Variants in INTS7 observed in about 807,000 individuals in gnomAD.
INTS7 encodes the protein integrator complex subunit 7, also known as chromosome 1 open reading frame 73.
INTS7 carries 46 observed loss-of-function variants against 109.2 expected under a neutral mutation model. The ratio of observed to expected loss-of-function variants is 0.42; its 90% CI spans 0.33 to 0.54. The LOEUF (loss-of-function observed/expected upper bound fraction) is 0.54, where lower values mean the gene tolerates loss of function less well. Ranked by LOEUF, INTS7 falls within the 20% of genes least tolerant of loss-of-function variation. INTS7 has a pLI of 0.07. For missense variants in INTS7, 929 were observed against 1,132.4 expected (o/e 0.82, Z 2.58); for synonymous variants, 412 against 402.9 (o/e 1.02, Z -0.27).
intron 17 of INTS7, among the ~76,000 whole-genome samples, chr1:211,951,660 T>C (rs1418898335): frequency 6.6e-5 from 10 of 152,180 alleles, no homozygotes; most frequent in Non-Finnish European, 1.5e-4. Flanking sequence ...GATCTCTCCC[T>C]ACCATGTGAA....
At chr1:211,989,140 A>G (rs1328043860) in intron 7 of INTS7, among the ~76,000 whole-genome samples, 1 of 152,246 alleles carries the variant, frequency 6.6e-6, no homozygotes, top group Admixed American at 6.5e-5. Flanking sequence ...GTTAAAATAA[A>G]TTTAATATGA....
intron 10 of INTS7, 80 bp downstream of exon 10, chr1:211,981,013 C>G: frequency 1.4e-6 from 1 of 712,604 alleles, no homozygotes; most frequent in South Asian, 1.9e-5. Context: ...AGTACAGGAG[C>G]TATGTCTGCT....
chr1:212,013,135 T>C (rs1374725836), intron 4 of INTS7, among the ~76,000 whole-genome samples: 1 of 152,210 alleles, frequency 6.6e-6, no homozygotes, highest in Admixed American at 6.5e-5. Context: ...AAAATTCATA[T>C]TGGCCAGAGA....
chr1:211,989,822 A>C (rs1440830839), intron 7 of INTS7, among the ~76,000 whole-genome samples: 1 of 129,786 alleles, frequency 7.7e-6, no homozygotes, highest in African/African-American at 3.2e-5. Context: ...ACTCCGTTTC[A>C]AAAAAAAAAA....
intron 15 of INTS7, among the ~76,000 whole-genome samples, chr1:211,966,725 A>C (rs1219477445): frequency 6.6e-6 from 1 of 152,162 alleles, no homozygotes; most frequent in Non-Finnish European, 1.5e-5. Flanking sequence ...GGAGGCTACT[A>C]CTGTGGGAAG....
chr1:211,996,197 G>A (rs1308778517), intron 7 of INTS7, among the ~76,000 whole-genome samples: 1 of 152,134 alleles, frequency 6.6e-6, no homozygotes, highest in East Asian at 1.9e-4. Flanking sequence ...CAAGGTGGGT[G>A]GATCACTTGA....
intron 8 of INTS7, among the ~76,000 whole-genome samples, chr1:211,984,059 T>C (rs1664783639): frequency 6.6e-6 from 1 of 151,784 alleles, no homozygotes; most frequent in Non-Finnish European, 1.5e-5. Flanking sequence ...TAGAGATGGG[T>C]CTTGCTTTGT....
rs577178800 is a variant in INTS7 at position 212,023,379 on chromosome 1, A to G, written c.95-2167T>C. Among the ~76,000 whole-genome samples the G allele has an allele frequency of 2.6e-5, 4 of 152,346 alleles. No homozygotes were observed. The South Asian group carries it at 8.3e-4, about 32-fold the overall frequency. On this transcript the variant is annotated intron_variant, in intron 1 of 19. Transcript: ENST00000366994. The stretch of plus-strand genomic sequence containing the variant: ...TATTCCCACCAACAGTGTATATATA[A>G]GCATTCCCTTTTCTTCACAGCCTCA...
intron 8 of INTS7, 43 bp from the exon 9 acceptor site, chr1:211,982,853 G>A (rs1327554340): frequency 6.6e-7 from 1 of 1,513,664 alleles, no homozygotes; most frequent in Non-Finnish European, 9.0e-7. Context: ...AATTCAAATA[G>A]TTCAAAAGCA....
Position 211,942,089 on chromosome 1 carries a change from T to C in INTS7, c.2624A>G (p.Asn875Ser), listed in dbSNP as rs568849817. Reference sequence around the variant, plus strand: ...AGGTTCAACCCTTTGCTCCATCTCATTGGTCATGTTGTCAATGGGTATCTG... The same window carrying C: ...AGGTTCAACCCTTTGCTCCATCTCACTGGTCATGTTGTCAATGGGTATCTG... Reference protein sequence around the residue: ...DYKIPIDNMTNEMEQRVEPHN... With the variant: ...DYKIPIDNMTSEMEQRVEPHN... Residue 875 changes from asparagine (N) to serine (S), a missense_variant, in exon 20 of 20, where the codon AAT becomes AGT. By Grantham distance (46) the Asn-to-Ser change is conservative (BLOSUM62 1). This residue lies in a region of INTS7 where 787 missense variants were observed against 901.1 expected (regional missense o/e 0.87). Transcript: ENST00000366994. This position sits in a 1 kb window ranked among gnomAD's most constrained non-coding sequence, Gnocchi z 4.2. The C allele has an allele frequency of 8.1e-6, 13 of 1,613,912 alleles. No individual in the cohort carries two copies. Among genetic ancestry groups the C allele is most frequent in the South Asian group, 3.3e-5 (3 of 91,036 alleles).
chr1:212,028,639 C>T (rs1026241411), intron 1 of INTS7, among the ~76,000 whole-genome samples: 7 of 152,078 alleles, frequency 4.6e-5, no homozygotes, highest in African/African-American at 1.7e-4. Flanking sequence ...AGAAGTAAAA[C>T]AGGTACAGAA....
chr1:212,001,417 T>A (rs539137892), intron 7 of INTS7, among the ~76,000 whole-genome samples: 1 of 152,276 alleles, frequency 6.6e-6, no homozygotes, highest in South Asian at 2.1e-4. Flanking sequence ...ATCCACTGAT[T>A]CAACCAAATC....
chr1:211,943,040 CACCA>C (rs1397653156), intron 19 of INTS7, among the ~76,000 whole-genome samples: 4 of 152,120 alleles, frequency 2.6e-5, no homozygotes, highest in African/African-American at 9.7e-5. Context: ...GAACTGACGT[CACCA>C]ACCAATTCAA....
chr1:211,947,590 A>C (rs187916767), intron 17 of INTS7, among the ~76,000 whole-genome samples: 1 of 152,266 alleles, frequency 6.6e-6, no homozygotes, highest in East Asian at 1.9e-4. Context: ...CTGTTCTTGC[A>C]GACCCGATTC....
intron 13 of INTS7, 148 bp downstream of exon 13, chr1:211,975,018 A>G: frequency 1.6e-6 from 1 of 615,920 alleles, no homozygotes; most frequent in Non-Finnish European, 2.9e-6. Flanking sequence ...AAGAATGTTA[A>G]AAAGGGGAAA....
chr1:212,025,182 A>C (rs1338814721), intron 1 of INTS7, among the ~76,000 whole-genome samples: 1 of 152,222 alleles, frequency 6.6e-6, no homozygotes, highest in African/African-American at 2.4e-5. Flanking sequence ...TAACCACATA[A>C]AACGATCTCA....
At chr1:211,989,068 T>A (rs953045080) in intron 7 of INTS7, among the ~76,000 whole-genome samples, 3 of 152,112 alleles carry the variant, frequency 2.0e-5, no homozygotes, top group Non-Finnish European at 4.4e-5. Context: ...AAGATAAAGG[T>A]TCAGAAAATA....
chr1:211,960,834 G>A (rs1663591358), intron 16 of INTS7, among the ~76,000 whole-genome samples: 1 of 151,992 alleles, frequency 6.6e-6, no homozygotes, highest in Non-Finnish European at 1.5e-5. Context: ...CCAACATGTT[G>A]AAATCCCGTC....
At position 211,941,943 on chromosome 1, in the gene INTS7, T is replaced by G; in HGVS notation, c.2770A>C (p.Thr924Pro). The change falls in exon 20 of 20, where the codon ACT becomes CCT. Residue 924 changes from threonine (T) to proline (P), a missense_variant. Thr to Pro is a conservative substitution (Grantham distance 38). This residue lies in a region of INTS7 where 787 missense variants were observed against 901.1 expected (regional missense o/e 0.87). Transcript: ENST00000366994. The part of the protein sequence containing the change: ...NGIVWKTGPR[T>P]TIFVKSLEDP... ...TCCAGGGATTTTACAAATATGGTAG[T>G]TCTGGGACCAGTCTTCCATACTATA... 1 of 1,614,208 alleles carries G rather than the reference T, an allele frequency of 6.2e-7. No homozygotes were observed. Among genetic ancestry groups the G allele is most frequent in the East Asian group, 2.2e-5 (1 of 44,882 alleles).
Sources: gnomAD v4.1 joint callset for allele counts (sites outside exome capture counted in the v4.1 genomes callset) on GRCh38, gnomAD v4.1.1 for gene constraint, gnomAD v4.1.1 regional missense constraint, Gnocchi (gnomAD v3.1) non-coding constraint, MANE v1.5 for transcripts, NCBI Gene and HGNC (gene_info 2026-07-23, HGNC 2026-07-21) for gene names.